The following NLE1 variants were observed in gnomAD, a reference collection of about 807,000 sequenced individuals.
NLE1 encodes notchless homolog 1, also known as notchless protein homolog 1.
In NLE1, 37 loss-of-function variants were observed where a neutral mutation model predicts 62.8. That is an observed-to-expected ratio of 0.59 (90% CI 0.45 to 0.78). NLE1 has a LOEUF of 0.78. NLE1 is among the 30% of genes least tolerant of loss of function. NLE1 has a pLI of 0.00. For synonymous variants in NLE1, 243 were observed against 253.0 expected, an observed-to-expected ratio of 0.96 and a Z score of 0.37; for missense variants, 555 against 637.9, an observed-to-expected ratio of 0.87 and a Z score of 1.40.
At chr17:35,133,855 T>G (rs961678190) in intron 10 of NLE1, among the ~76,000 whole-genome samples, 1 of 152,122 alleles carries the variant, frequency 6.6e-6, no homozygotes, top group African/African-American at 2.4e-5. Context: ...GGAGTAACAG[T>G]GGGCCCACTG....
chr17:35,130,520 A>C lies in NLE1; in HGVS notation c.*1917T>G. ...CCAGAGCCATGAGACCTACCATACCACCAGCACCCTGCGGGCCCGGGGTCT... is the reference window on the plus strand; with the variant it reads ...CCAGAGCCATGAGACCTACCATACCCCCAGCACCCTGCGGGCCCGGGGTCT... On this transcript the variant is annotated 3_prime_UTR_variant, in exon 13 of 13. Coordinates refer to ENST00000442241, the MANE Select transcript of NLE1 (RefSeq NM_018096.5). The C allele has an allele frequency of 7.1e-7, 1 of 1,402,582 alleles. No homozygotes were observed. The highest frequency in any genetic ancestry group is 9.8e-7 in the Non-Finnish European group (1 of 1,024,974). 86.9% of individuals were successfully genotyped at this position (1,402,582 alleles called of 1,614,324 possible). A position where few individuals can be genotyped will look rare whatever the true frequency, so the allele number is the denominator to read the frequency against.
At chr17:35,135,204 C>T (rs777251014) in intron 10 of NLE1, 45 bp downstream of exon 10, 2 of 1,588,202 alleles carry the variant, frequency 1.3e-6, no homozygotes, top group Admixed American at 1.7e-5. Flanking sequence ...CAAGCCCCTC[C>T]CACCATTCAC....
Position 35,130,452 on chromosome 17 carries a change from C to T in NLE1, c.*1985G>A, listed in dbSNP as rs750125681. The T allele has an allele frequency of 1.2e-6, 2 of 1,609,368 alleles. No homozygotes were observed. Among genetic ancestry groups the T allele is most frequent in the African/African-American group, 2.7e-5 (2 of 74,830 alleles). Reference sequence around the variant, plus strand: ...CCTGTTAAGGGGGAGGGCCCCAGGACACCCCTCACCTACTTTCAGCTTCAA... The same window carrying T: ...CCTGTTAAGGGGGAGGGCCCCAGGATACCCCTCACCTACTTTCAGCTTCAA... On this transcript the variant is annotated 3_prime_UTR_variant, in exon 13 of 13. Coordinates refer to ENST00000442241, the MANE Select transcript of NLE1 (RefSeq NM_018096.5).
chr17:35,136,975 G>A lies in NLE1; in HGVS notation c.828+26C>T, dbSNP rs374685057. On this transcript the variant is annotated intron_variant, in intron 7 of 12. Coordinates refer to ENST00000442241, the MANE Select transcript of NLE1 (RefSeq NM_018096.5). Reference sequence around the variant, plus strand: ...CTTGTGACTTGCGATTTTCTGGACTGGTTTCTGAACCCTCCCAGCACTTAC... The same window carrying A: ...CTTGTGACTTGCGATTTTCTGGACTAGTTTCTGAACCCTCCCAGCACTTAC... The A allele has an allele frequency of 3.8e-6, 6 of 1,558,970 alleles. No individual in the cohort carries two copies. In the African/African-American group the frequency reaches 8.2e-5, roughly 21 times the overall value.
In NLE1 at chr17:35,142,289, G is replaced by A. The variant is rs1216612111; in HGVS notation, c.-14C>T. 2.6e-6 allele frequency: 4 copies of A among 1,538,676 alleles called. No individual in the cohort carries two copies. In the East Asian group the frequency reaches 7.3e-5, roughly 28 times the overall value. ...TGCTGCCGCCATCCTGCGTCCCCAC[G>A]TGGAGGAGAAAGAGCCCGGCAGACA... On this transcript the variant is annotated 5_prime_UTR_variant, in exon 1 of 13. The change creates a new upstream start codon in the 5' untranslated region. Transcript: ENST00000442241.
Position 35,131,701 on chromosome 17 carries a change from A to C in NLE1, c.*736T>G, listed in dbSNP as rs1297440935. ...CAAGCAGTGTGCTATGCGAAGGCAG[A>C]GGCATCCCCTGGAGCAGGGCTGACC... On this transcript the variant is annotated 3_prime_UTR_variant, in exon 13 of 13. Transcript: ENST00000442241. The C allele has an allele frequency of 2.6e-5, 4 of 152,448 alleles. No individual in the cohort carries two copies. The allele number at this position is 152,448 out of a possible 1,614,324, so 9.4% of individuals were successfully genotyped here.
chr17:35,129,948 G>C lies in NLE1; in HGVS notation c.*2489C>G. The C allele has an allele frequency of 7.3e-7, 1 of 1,373,900 alleles. No homozygotes were observed. The allele number at this position is 1,373,900 out of a possible 1,614,324, so 85.1% of individuals were successfully genotyped here. On this transcript the variant is annotated 3_prime_UTR_variant, in exon 13 of 13. Coordinates refer to ENST00000442241, the MANE Select transcript of NLE1 (RefSeq NM_018096.5). ...ACTCTGCAATTCAGTGCCCATGATT[G>C]TGAGTAGGCTGGGAAGTCAAGGGCA...
Position 35,128,874 on chromosome 17 carries a change from G to A in NLE1, c.*3563C>T. 1 of 175,484 alleles carries A rather than the reference G, an allele frequency of 5.7e-6. No homozygotes were observed. The highest frequency in any genetic ancestry group is 1.7e-4 in the South Asian group (1 of 5,902). The allele number at this position is 175,484 out of a possible 1,614,324, so 10.9% of individuals were successfully genotyped here. A position where few individuals can be genotyped will look rare whatever the true frequency, so the allele number is the denominator to read the frequency against. On this transcript the variant is annotated 3_prime_UTR_variant, in exon 13 of 13. Transcript: ENST00000442241. ...GAGCTTGTTTTCCTGCAACGAGAGGGTCCCATTTGGGGGTGATGGGAGACA... is the reference window on the plus strand; with the variant it reads ...GAGCTTGTTTTCCTGCAACGAGAGGATCCCATTTGGGGGTGATGGGAGACA...
At position 35,137,060 on chromosome 17, in the gene NLE1, C is replaced by G; in HGVS notation, c.769G>C (p.Asp257His). The change falls in exon 7 of 13, where the codon GAC becomes CAC. Residue 257 changes from aspartate to histidine, a missense_variant. Transcript: ENST00000442241. ...TGGGAGGCAGAGTAGAGAAGCCCGT[C>G]CCCTCCCCACCGGAGACAGGTGACC... ...QSVTCLRWGG[D>H]GLLYSASQDR... is the part of the protein sequence containing the mutation. The G allele has an allele frequency of 6.2e-7, 1 of 1,613,988 alleles. No individual in the cohort carries two copies. The highest frequency in any genetic ancestry group is 8.5e-7 in the Non-Finnish European group (1 of 1,179,958).
intron 3 of NLE1, 179 bp downstream of exon 3, chr17:35,139,670 C>G: frequency 1.2e-6 from 1 of 839,746 alleles, no homozygotes; most frequent in South Asian, 1.9e-5. Flanking sequence ...GGTCCTTAAG[C>G]AGCCTTTGGG....
At position 35,137,830 on chromosome 17, in the gene NLE1, C is replaced by G; in HGVS notation, c.521G>C (p.Gly174Ala). The G allele has an allele frequency of 6.2e-7, 1 of 1,613,574 alleles. No homozygotes were observed. ...ACTACCTACCTGGCCATTCTTGCAG[C>G]CTGAGGCCAGCTTCCTGCCATCTGG... ...WSPDGRKLAS[G>A]CKNGQILLWD... is the part of the protein sequence containing the mutation. Residue 174 changes from glycine to alanine, a missense_variant, in exon 5 of 13, where the codon GGC (glycine) becomes GCC (alanine). Gly to Ala is a moderately conservative substitution (Grantham distance 60). Transcript: ENST00000442241.
intron 12 of NLE1, 112 bp from the exon 13 acceptor site, chr17:35,132,561 C>G: frequency 1.0e-6 from 1 of 984,560 alleles, no homozygotes; most frequent in Non-Finnish European, 1.4e-6. Context: ...TCAGAGTCAC[C>G]AAGAGCCAGG....
intron 1 of NLE1, 54 bp downstream of exon 1, chr17:35,142,204 C>G (rs1358661622): frequency 1.3e-6 from 2 of 1,581,874 alleles, no homozygotes; most frequent in Non-Finnish European, 1.7e-6. Context: ...CCTCAGGGAC[C>G]CGGGCCCTAG....
intron 5 of NLE1, 24 bp from the exon 6 acceptor site, chr17:35,137,664 TA>T: frequency 6.3e-7 from 1 of 1,593,238 alleles, no homozygotes. Context: ...GCTCACTGAA[TA>T]ATCCTCCCCA....
At chr17:35,139,161 C>A in intron 4 of NLE1, 74 bp downstream of exon 4, 1 of 1,330,386 alleles carries the variant, frequency 7.5e-7, no homozygotes, top group South Asian at 1.2e-5. Flanking sequence ...CCACTGTACT[C>A]CATCCTGGTC....
At chr17:35,137,487 A>G in intron 6 of NLE1, 56 bp downstream of exon 6, 1 of 1,416,984 alleles carries the variant, frequency 7.1e-7, no homozygotes. Flanking sequence ...GGGCAGGGAA[A>G]GGGGATGGCT....
intron 2 of NLE1, among the ~76,000 whole-genome samples, chr17:35,141,626 T>TCCAAATCTG (rs2091944704): frequency 1.3e-5 from 2 of 151,888 alleles, no homozygotes; most frequent in South Asian, 4.2e-4. Flanking sequence ...GGGTTCCAAT[T>TCCAAATCTG]CCAAATCTGC....
At position 35,137,158 on chromosome 17, in the gene NLE1, T is replaced by C; in HGVS notation, c.671A>G (p.Lys224Arg). The change falls in exon 7 of 13, where the codon AAG (lysine) becomes AGG (arginine). Residue 224 changes from lysine to arginine, a missense_variant. Lys to Arg is a conservative substitution (Grantham distance 26, BLOSUM62 2). Transcript: ENST00000442241. Reference sequence around the variant, plus strand: ...GTCCCAGATCCGCACACTGCCATCCTTGGAGCTGCTGGCCACATAGCGGCA... The same window carrying C: ...GTCCCAGATCCGCACACTGCCATCCCTGGAGCTGCTGGCCACATAGCGGCA... ...PECRYVASSS[K>R]DGSVRIWDTT... The C allele has an allele frequency of 6.2e-7, 1 of 1,611,782 alleles. No individual in the cohort carries two copies. The highest frequency in any genetic ancestry group is 8.5e-7 in the Non-Finnish European group (1 of 1,178,170).
chr17:35,136,311 A>G, intron 8 of NLE1, 51 bp downstream of exon 8: 1 of 1,608,784 alleles, frequency 6.2e-7, no homozygotes, highest in South Asian at 1.1e-5. Context: ...TAAGCTTGAG[A>G]ACTGGCTCCT....
Sources: gnomAD v4.1 joint callset for allele counts (sites outside exome capture counted in the v4.1 genomes callset) on GRCh38, gnomAD v4.1.1 for gene constraint, MANE v1.5 for transcripts, NCBI Gene and HGNC (gene_info 2026-07-23, HGNC 2026-07-21) for gene names.